Variants in TECRL observed in about 807,000 individuals in gnomAD.
TECRL encodes trans-2,3-enoyl-CoA reductase like.
In TECRL, 63 loss-of-function variants were observed where a neutral mutation model predicts 52.8. The ratio of observed to expected loss-of-function variants is 1.19; its 90% CI spans 0.97 to 1.47. The LOEUF (loss-of-function observed/expected upper bound fraction) is 1.47, where lower values mean the gene tolerates loss of function less well. Ranked by LOEUF, TECRL falls within the 40% of genes most tolerant of loss-of-function variation. The pLI, the probability that TECRL is intolerant of heterozygous loss-of-function variation, is 0.00. For synonymous variants in TECRL, 164 were observed against 141.9 expected (o/e 1.16, Z -1.10); for missense variants, 482 against 429.6 (o/e 1.12, Z -1.08).
rs182739098 is a variant in TECRL at position 64,299,430 on chromosome 4, T to C, written c.774+544A>G. Among the ~76,000 whole-genome samples the C allele has an allele frequency of 3.7e-3, 558 of 151,208 alleles. 2 individuals carry two copies. Among genetic ancestry groups the C allele is most frequent in the Non-Finnish European group, 4.7e-3 (319 of 67,246 alleles). ...CACTTAAAAAAAGTGTCAAATGAAA[T>C]AATTAATGCATTTTAGAAATAATCA... On this transcript the variant is annotated intron_variant, in intron 8 of 11. Transcript: ENST00000381210.
At chr4:64,361,195 C>T (rs1721170402) in intron 2 of TECRL, among the ~76,000 whole-genome samples, 1 of 152,128 alleles carries the variant, frequency 6.6e-6, no homozygotes. Flanking sequence ...CACCAGAGTG[C>T]TTTTGCAGAC....
At position 64,328,499 on chromosome 4, in the gene TECRL, A is replaced by T. The variant is rs1164615881; in HGVS notation, c.331+13T>A. On this transcript the variant is annotated intron_variant, in intron 3 of 11. Transcript: ENST00000381210. ...TAAATTAAATAAACACATCAGTGAA[A>T]AATGCTTCTTACCACATTCTAGCTG... 1 of 1,609,114 alleles carries T rather than the reference A, an allele frequency of 6.2e-7. No individual in the cohort carries two copies. Among genetic ancestry groups the T allele is most frequent in the Non-Finnish European group, 8.5e-7 (1 of 1,176,668 alleles).
intron 1 of TECRL, among the ~76,000 whole-genome samples, chr4:64,405,007 T>G (rs1724609914): frequency 6.6e-6 from 1 of 151,850 alleles, no homozygotes; most frequent in Non-Finnish European, 1.5e-5. Flanking sequence ...TACAAGTGTG[T>G]AAAACAAACA....
At chr4:64,368,289 TTTTGTTTG>T (rs61596935) in intron 2 of TECRL, among the ~76,000 whole-genome samples, 134,103 of 151,378 alleles carry the variant, frequency 0.89, 60,361 homozygotes, top group East Asian at 1. Context: ...TGTTTTCTTT[TTTTGTTTG>T]TTTGTTTGTT....
At chr4:64,299,865 T>C (rs761616635) in intron 8 of TECRL, 109 bp downstream of exon 8, 4 of 411,768 alleles carry the variant, frequency 9.7e-6, no homozygotes, top group African/African-American at 2.1e-5. Flanking sequence ...ATGTATATTA[T>C]ATAAATATAT....
At chr4:64,365,234 G>T (rs1721514386) in intron 2 of TECRL, among the ~76,000 whole-genome samples, 1 of 147,538 alleles carries the variant, frequency 6.8e-6, no homozygotes, top group African/African-American at 2.5e-5. Context: ...ATACATAAAA[G>T]GAACATACCT....
chr4:64,363,353 C>G (rs1310352827), intron 2 of TECRL, among the ~76,000 whole-genome samples: 2 of 152,104 alleles, frequency 1.3e-5, no homozygotes. Context: ...GTGCTCGTTC[C>G]CCGGTGCCAT....
Position 64,333,749 on chromosome 4 carries a change from G to A in TECRL, c.287-5193C>T, listed in dbSNP as rs570011983. On this transcript the variant is annotated intron_variant, in intron 2 of 11. Coordinates refer to ENST00000381210, the MANE Select transcript of TECRL (RefSeq NM_001010874.5). Reference sequence around the variant, plus strand: ...ATGAGAGAATGTCCTGGCCGGGCGCGGTGGCTCACGCCTGTAATCCCAGCA... The same window carrying A: ...ATGAGAGAATGTCCTGGCCGGGCGCAGTGGCTCACGCCTGTAATCCCAGCA... Among the ~76,000 whole-genome samples, 28 of 127,248 alleles carry A rather than the reference G, an allele frequency of 2.2e-4. No homozygotes were observed. The East Asian group carries it at 4.7e-3, about 21-fold the overall frequency. 83.5% of individuals were successfully genotyped at this position (127,248 alleles called of 152,430 possible).
At chr4:64,281,794 G>C (rs1722842319) in intron 9 of TECRL, among the ~76,000 whole-genome samples, 1 of 151,830 alleles carries the variant, frequency 6.6e-6, no homozygotes, top group South Asian at 2.1e-4. Flanking sequence ...CTATGTTGCT[G>C]TAACACTGCA....
At chr4:64,348,429 G>C (rs563617557) in intron 2 of TECRL, among the ~76,000 whole-genome samples, 20 of 152,292 alleles carry the variant, frequency 1.3e-4, no homozygotes, top group Middle Eastern at 6.8e-3. Flanking sequence ...ATTTGTGTGG[G>C]TACACAGAGC....
intron 8 of TECRL, among the ~76,000 whole-genome samples, chr4:64,298,014 A>AT (rs1257999423): frequency 6.6e-6 from 1 of 151,218 alleles, no homozygotes; most frequent in Admixed American, 6.6e-5. Flanking sequence ...TCTATGGAAT[A>AT]TAACTACATT....
At chr4:64,294,341 T>C (rs1428810024) in intron 8 of TECRL, among the ~76,000 whole-genome samples, 1 of 152,132 alleles carries the variant, frequency 6.6e-6, no homozygotes, top group Non-Finnish European at 1.5e-5. Flanking sequence ...ATAGTCATTT[T>C]ATTAATTTAA....
At chr4:64,337,405 T>C (rs1255786974) in intron 2 of TECRL, among the ~76,000 whole-genome samples, 1 of 152,092 alleles carries the variant, frequency 6.6e-6, no homozygotes, top group Non-Finnish European at 1.5e-5. Context: ...CTATTCAACA[T>C]AGTGTTGGAA....
intron 1 of TECRL, among the ~76,000 whole-genome samples, chr4:64,378,300 T>A (rs1332415001): frequency 1.3e-5 from 2 of 151,986 alleles, no homozygotes; most frequent in African/African-American, 4.8e-5. Context: ...ACTTGGTGGC[T>A]CAGGCTTGTA....
At chr4:64,341,136 G>C (rs898995560) in intron 2 of TECRL, among the ~76,000 whole-genome samples, 11 of 152,124 alleles carry the variant, frequency 7.2e-5, no homozygotes, top group Non-Finnish European at 1.3e-4. Flanking sequence ...GGAGACCCTG[G>C]TGGCAGAAAG....
chr4:64,364,589 A>C (rs908125550), intron 2 of TECRL, among the ~76,000 whole-genome samples: 37 of 152,056 alleles, frequency 2.4e-4, no homozygotes, highest in Non-Finnish European at 4.3e-4. Context: ...TACCCCAAAG[A>C]AATACAAAAA....
intron 3 of TECRL, among the ~76,000 whole-genome samples, chr4:64,323,710 G>A (rs1250135187): frequency 6.6e-6 from 1 of 152,130 alleles, no homozygotes; most frequent in Admixed American, 6.5e-5. Flanking sequence ...AATATATTTG[G>A]AACATAGCCT....
intron 2 of TECRL, among the ~76,000 whole-genome samples, chr4:64,333,579 A>G (rs951824466): frequency 6.6e-6 from 1 of 152,232 alleles, no homozygotes; most frequent in Non-Finnish European, 1.5e-5. Context: ...CATATGCAAA[A>G]AATATATACA....
chr4:64,403,807 G>A (rs1418078767), intron 1 of TECRL, among the ~76,000 whole-genome samples: 1 of 149,708 alleles, frequency 6.7e-6, no homozygotes, highest in Non-Finnish European at 1.5e-5. Context: ...GAAAAGGGGG[G>A]CAGGAATATG....
Sources: gnomAD v4.1 joint callset for allele counts (sites outside exome capture counted in the v4.1 genomes callset) on GRCh38, gnomAD v4.1.1 for gene constraint, MANE v1.5 for transcripts, NCBI Gene and HGNC (gene_info 2026-07-23, HGNC 2026-07-21) for gene names.